BICRA: variants seen among roughly 807,000 people sequenced by gnomAD.
BICRA encodes the protein BRD4-interacting chromatin-remodeling complex-associated protein.
Under a neutral mutation model 96.9 loss-of-function variants are expected in BICRA, and 31 were observed. That is an observed-to-expected ratio of 0.32 (90% CI 0.24 to 0.43). The LOEUF is 0.43. BICRA is among the 20% of genes least tolerant of loss of function. The pLI is 1.00. For synonymous variants in BICRA, 1,350 were observed against 1,071.8 expected (o/e 1.26, Z -5.07); for missense variants, 2,283 against 2,190.3 (o/e 1.04, Z -0.84).
chr19:47,639,514 A>G (rs2123533237), intron 1 of BICRA, among the ~76,000 whole-genome samples: 1 of 151,302 alleles, frequency 6.6e-6, no homozygotes, highest in African/African-American at 2.4e-5. Flanking sequence ...TATTTTTAGT[A>G]GAGACGGGGT....
At chr19:47,663,609 A>C (rs528426866) in intron 1 of BICRA, 126 of 152,308 alleles carry the variant, frequency 8.3e-4, no homozygotes, top group African/African-American at 2.9e-3. Context: ...AGTCTCACTG[A>C]GCAGAACCTG....
chr19:47,694,381 G>T lies in BICRA; in HGVS notation c.2550G>T (p.Pro850=). The change falls in exon 8 of 15, where the codon CCG becomes CCT. Residue 850 remains proline, a synonymous_variant. Transcript: ENST00000594866. ...GCGTTCCCCCGCCTGCCAGCAACCCGGCCCCTACTGCCCCAGGCCCGCCGC... is the reference window on the plus strand; with the variant it reads ...GCGTTCCCCCGCCTGCCAGCAACCCTGCCCCTACTGCCCCAGGCCCGCCGC... ...QLGVPPPASN[P]APTAPGPPQP... is the part of the protein sequence containing the mutation. 1 of 1,055,966 alleles carries T rather than the reference G, an allele frequency of 9.5e-7. No individual in the cohort carries two copies. The highest frequency in any genetic ancestry group is 1.3e-6 in the Non-Finnish European group (1 of 747,256). 65.4% of individuals were successfully genotyped at this position (1,055,966 alleles called of 1,614,324 possible).
intron 1 of BICRA, among the ~76,000 whole-genome samples, chr19:47,655,432 G>A (rs1400924955): frequency 6.7e-6 from 1 of 150,338 alleles, no homozygotes; most frequent in African/African-American, 2.5e-5. Flanking sequence ...GGTGGAGGCA[G>A]GAGATTCGCT....
Position 47,694,626 on chromosome 19 carries a change from C to T in BICRA, c.2795C>T (p.Pro932Leu), listed in dbSNP as rs777562135. Residue 932 changes from proline to leucine, a missense_variant, in exon 8 of 15, where the codon CCG becomes CTG. Transcript: ENST00000594866. ...PPPTLHLVPE[P>L]AAPPPPPPRT... ...CCAACCCTCCACCTGGTCCCTGAGC[C>T]GGCAGCACCCCCCCCACCGCCTCCT... 1.2e-5 allele frequency: 19 copies of T among 1,571,212 alleles called. No homozygotes were observed. In the East Asian group the frequency reaches 2.0e-4, roughly 17 times the overall value.
At chr19:47,635,631 C>T (rs2123528425) in intron 1 of BICRA, among the ~76,000 whole-genome samples, 1 of 152,280 alleles carries the variant, frequency 6.6e-6, no homozygotes, top group South Asian at 2.1e-4. Flanking sequence ...CCCCCAGCCC[C>T]TGCAAAACTC....
chr19:47,613,683 C>G (rs1233680591), intron 1 of BICRA, among the ~76,000 whole-genome samples: 2 of 152,000 alleles, frequency 1.3e-5, no homozygotes, highest in Non-Finnish European at 2.9e-5. Flanking sequence ...GTAGGATGCA[C>G]CTTATGCCAC....
At chr19:47,667,058 G>A (rs1248714735) in intron 1 of BICRA, among the ~76,000 whole-genome samples, 6 of 144,886 alleles carry the variant, frequency 4.1e-5, no homozygotes, top group African/African-American at 1.0e-4. Context: ...TTGCTCTGTC[G>A]CCCAGGCTGG....
chr19:47,632,096 A>G (rs1972229638), intron 1 of BICRA, among the ~76,000 whole-genome samples: 1 of 152,192 alleles, frequency 6.6e-6, no homozygotes, highest in Non-Finnish European at 1.5e-5. Flanking sequence ...GATGGGAGCC[A>G]TGGGAGGGCT....
Position 47,624,992 on chromosome 19 carries a change from C to CTTTTTTT in BICRA, c.-108+15843_-108+15849dup, listed in dbSNP as rs35273886. ...TACAGACATGAGCCACTGCACCTGGCTTTTTTTTTTTTTTTTTTTTTTTTT... is the reference window on the plus strand; with the variant it reads ...TACAGACATGAGCCACTGCACCTGGCTTTTTTTTTTTTTTTTTTTTTTTTTTTTTTTT... On this transcript the variant is annotated intron_variant, in intron 1 of 14. Transcript: ENST00000594866. 1.4e-4 allele frequency among the ~76,000 whole-genome samples: 8 copies of CTTTTTTT among 57,924 alleles called. 1 individual carries two copies. The highest frequency in any genetic ancestry group is 1.7e-4 in the Non-Finnish European group (6 of 34,402). 38.0% of individuals were successfully genotyped at this position (57,924 alleles called of 152,430 possible).
intron 7 of BICRA, among the ~76,000 whole-genome samples, chr19:47,686,103 G>C (rs921872757): frequency 2.0e-5 from 3 of 151,834 alleles, no homozygotes; most frequent in African/African-American, 4.8e-5. Flanking sequence ...GCTAATATTT[G>C]TATTTTTAGT....
chr19:47,663,793 T>TACACACACACAC (rs55750048), intron 1 of BICRA: 1 of 150,712 alleles, frequency 6.6e-6, no homozygotes, highest in Non-Finnish European at 1.5e-5. Flanking sequence ...TGTGTCGCAG[T>TACACACACACAC]ACACACACAC....
In BICRA at chr19:47,702,237, A is replaced by G; in HGVS notation, c.4505A>G (p.Gln1502Arg). 6.9e-6 allele frequency: 11 copies of G among 1,599,406 alleles called. No homozygotes were observed. Among genetic ancestry groups the G allele is most frequent in the Non-Finnish European group, 9.3e-6 (11 of 1,177,896 alleles). The change falls in exon 15 of 15, where the codon CAG (glutamine) becomes CGG (arginine). Residue 1502 changes from glutamine to arginine, a missense_variant. Gln to Arg is a conservative substitution (Grantham distance 43). Coordinates refer to ENST00000594866, the MANE Select transcript of BICRA (RefSeq NM_001394372.1). Reference sequence around the variant, plus strand: ...GATGACACGCTCACCGAGCACCTGCAGAGCGCCATCGACAGCATCCTGAAC... The same window carrying G: ...GATGACACGCTCACCGAGCACCTGCGGAGCGCCATCGACAGCATCCTGAAC... ...PQDDTLTEHLQSAIDSILNLQ... is the reference protein window; with the variant it reads ...PQDDTLTEHLRSAIDSILNLQ...
At chr19:47,689,319 G>T (rs548224117) in intron 7 of BICRA, among the ~76,000 whole-genome samples, 32 of 151,922 alleles carry the variant, frequency 2.1e-4, no homozygotes, top group Non-Finnish European at 1.3e-4. Context: ...GCCCAGGCTG[G>T]TCTTGAACTC....
intron 14 of BICRA, chr19:47,700,339 AGACT>A (rs1422433871): frequency 6.8e-6 from 1 of 146,062 alleles, no homozygotes; most frequent in Admixed American, 6.9e-5. Context: ...CGACAGAGCG[AGACT>A]CCGTCTCAAA....
intron 1 of BICRA, among the ~76,000 whole-genome samples, chr19:47,609,583 CG>C (rs1316221382): frequency 6.6e-6 from 1 of 151,470 alleles, no homozygotes; most frequent in Non-Finnish European, 1.5e-5. Flanking sequence ...GGAGACCTAA[CG>C]TTCCACGGGG....
chr19:47,612,413 CA>C (rs1385123781), intron 1 of BICRA, among the ~76,000 whole-genome samples: 4,304 of 135,190 alleles, frequency 0.032, 126 homozygotes, highest in African/African-American at 0.084. Flanking sequence ...GACCCTGTCT[CA>C]AAAAAAAAAA....
chr19:47,614,985 C>G (rs1300356662), intron 1 of BICRA, among the ~76,000 whole-genome samples: 4 of 152,096 alleles, frequency 2.6e-5, no homozygotes, highest in African/African-American at 9.7e-5. Flanking sequence ...CACGTTGCAT[C>G]TTTTTTTATT....
At chr19:47,684,644 C>T (rs1482626408) in intron 7 of BICRA, among the ~76,000 whole-genome samples, 2 of 152,152 alleles carry the variant, frequency 1.3e-5, no homozygotes, top group Admixed American at 6.5e-5. Context: ...TTAAACCTCA[C>T]CACCTCCACC....
At chr19:47,648,678 TGTTTG>T (rs1568557103) in intron 1 of BICRA, among the ~76,000 whole-genome samples, 8 of 147,884 alleles carry the variant, frequency 5.4e-5, no homozygotes, top group Admixed American at 6.7e-5. Context: ...TTTTTTTTTT[TGTTTG>T]TTTTTTTTTT....
Sources: gnomAD v4.1 joint callset for allele counts (sites outside exome capture counted in the v4.1 genomes callset) on GRCh38, gnomAD v4.1.1 for gene constraint, MANE v1.5 for transcripts, NCBI Gene and HGNC (gene_info 2026-07-23, HGNC 2026-07-21) for gene names.